Variants in AHNAK observed in about 807,000 individuals in gnomAD.
AHNAK encodes the protein neuroblast differentiation-associated protein AHNAK.
Under a neutral mutation model 37.8 loss-of-function variants are expected in AHNAK, and 23 were observed. That is an observed-to-expected ratio of 0.61 (90% confidence interval 0.44 to 0.86). The LOEUF (loss-of-function observed/expected upper bound fraction) is 0.86. Among genes scored for constraint, AHNAK ranks in the 40% least tolerant of loss-of-function variants. AHNAK has a pLI of 0.00. For missense variants in AHNAK, 7,411 were observed against 7,319.4 expected, an observed-to-expected ratio of 1.01 and a Z score of -0.46; for synonymous variants, 2,481 against 2,636.3, an observed-to-expected ratio of 0.94 and a Z score of 1.80.
At position 62,533,944 on chromosome 11, in the gene AHNAK, G is replaced by C; in HGVS notation, c.473C>G (p.Thr158Arg). Residue 158 changes from threonine (T) to arginine (R), a missense_variant, in exon 5 of 5, where the codon ACG (threonine) becomes AGG (arginine). By Grantham distance (71) the Thr-to-Arg change is moderately conservative. Transcript: ENST00000378024. Reference sequence around the variant, plus strand: ...GCCAGTCACATCCACAGTGTAGGCCGTGACCCTTCTGGTCACTGTGATGGT... The same window carrying C: ...GCCAGTCACATCCACAGTGTAGGCCCTGACCCTTCTGGTCACTGTGATGGT... ...SRTITVTRRV[T>R]AYTVDVTGRE... 1 of 1,614,110 alleles carries C rather than the reference G, an allele frequency of 6.2e-7. No individual in the cohort carries two copies. Among genetic ancestry groups the C allele is most frequent in the Non-Finnish European group, 8.5e-7 (1 of 1,179,994 alleles).
chr11:62,441,202 A>C (rs1034653584), intron 5 of AHNAK, among the ~76,000 whole-genome samples: 1 of 150,802 alleles, frequency 6.6e-6, no homozygotes, highest in Non-Finnish European at 1.5e-5. Flanking sequence ...AGGGTTCATC[A>C]TGTTGGCCAG....
chr11:62,479,725 C>T (rs1456764837), intron 5 of AHNAK, among the ~76,000 whole-genome samples: 3 of 152,044 alleles, frequency 2.0e-5, no homozygotes, highest in Non-Finnish European at 4.4e-5. Flanking sequence ...TTCCCTTCTT[C>T]CACGACGCAC....
chr11:62,515,678 G>A (rs978079847), downstream of AHNAK, among the ~76,000 whole-genome samples: 11 of 152,198 alleles, frequency 7.2e-5, no homozygotes, highest in East Asian at 7.7e-4. Flanking sequence ...AGTGGGTCCC[G>A]AGGCCAAGCC....
chr11:62,465,033 T>A (rs1938876731), intron 5 of AHNAK, among the ~76,000 whole-genome samples: 2 of 152,164 alleles, frequency 1.3e-5, no homozygotes, highest in Admixed American at 1.3e-4. Flanking sequence ...CCTCTCACAC[T>A]TGCTGTTCCT....
rs1430960715 is a variant in AHNAK, at chr11:62,528,096, C to T, written c.6321G>A (p.Met2107Ile). Residue 2107 changes from methionine (M) to isoleucine (I), a missense_variant, in exon 5 of 5, where the codon ATG (methionine) becomes ATA (isoleucine). Met to Ile is a conservative substitution (Grantham distance 10, BLOSUM62 1). Transcript: ENST00000378024. ...EGKLKGPKLKMPEMHFKAPKI... is the reference protein window; with the variant it reads ...EGKLKGPKLKIPEMHFKAPKI... The stretch of plus-strand genomic sequence containing the variant: ...TGGGGGCCTTGAAGTGCATCTCAGG[C>T]ATCTTAAGCTTGGGGCCCTTCAGCT... 1.2e-6 allele frequency: 2 copies of T among 1,612,448 alleles called. No individual in the cohort carries two copies. Among genetic ancestry groups the T allele is most frequent in the South Asian group, 1.1e-5 (1 of 90,964 alleles).
intron 5 of AHNAK, among the ~76,000 whole-genome samples, chr11:62,456,378 C>T (rs1288718315): frequency 6.6e-6 from 1 of 152,198 alleles, no homozygotes; most frequent in Non-Finnish European, 1.5e-5. Context: ...GCTAGGCGGT[C>T]TTTATGCTTT....
At chr11:62,509,648 G>A (rs920175925) in intron 4 of AHNAK, among the ~76,000 whole-genome samples, 7 of 152,242 alleles carry the variant, frequency 4.6e-5, no homozygotes, top group South Asian at 2.1e-4. Flanking sequence ...CATTGTCGCC[G>A]GGCATGGTCG....
chr11:62,450,130 TTTTATTTTA>T (rs144282111), intron 5 of AHNAK, among the ~76,000 whole-genome samples: 47,824 of 149,380 alleles, frequency 0.32, 9,500 homozygotes, highest in East Asian at 0.65. Flanking sequence ...TATTATTTTA[TTTTATTTTA>T]TTTATTTTAT....
chr11:62,486,326 T>G (rs1394221747), intron 5 of AHNAK, among the ~76,000 whole-genome samples: 2 of 151,066 alleles, frequency 1.3e-5, no homozygotes, highest in East Asian at 3.9e-4. Context: ...AATACAAAAT[T>G]AGCAGGCGGG....
intron 4 of AHNAK, among the ~76,000 whole-genome samples, chr11:62,493,332 CTT>C (rs538984724): frequency 0.12 from 14,626 of 122,840 alleles, 1,606 homozygotes; most frequent in African/African-American, 0.3. Context: ...TTCTTTCTTT[CTT>C]TTTTTTTTTT....
intron 5 of AHNAK, among the ~76,000 whole-genome samples, chr11:62,460,062 G>A (rs1324001435): frequency 6.6e-6 from 1 of 151,606 alleles, no homozygotes; most frequent in Non-Finnish European, 1.5e-5. Flanking sequence ...AGGTAGTGGT[G>A]AGCTGAGATC....
Position 62,521,017 on chromosome 11 carries a change from T to A in AHNAK, c.13400A>T (p.His4467Leu). 6.2e-7 allele frequency: 1 copy of A among 1,614,132 alleles called. No homozygotes were observed. Residue 4467 changes from histidine to leucine, a missense_variant, in exon 5 of 5, where the codon CAC becomes CTC. Coordinates refer to ENST00000378024, the MANE Select transcript of AHNAK (RefSeq NM_001620.3). ...ACCCTTCACCTTGGGACCTTTCAGG[T>A]GCAAATCAAAGTCAGGCATAGAGAT... ...PKISMPDFDL[H>L]LKGPKVKGDV...
At chr11:62,485,701 CAA>C (rs1286819688) in intron 5 of AHNAK, among the ~76,000 whole-genome samples, 6,763 of 51,764 alleles carry the variant, frequency 0.13, 598 homozygotes, top group African/African-American at 0.33. Flanking sequence ...GACTCCATCT[CAA>C]AAAAAAAAAA....
chr11:62,529,623 A>G lies in AHNAK; in HGVS notation c.4794T>C (p.Asp1598=), dbSNP rs1940647809. 1 of 1,614,212 alleles carries G rather than the reference A, an allele frequency of 6.2e-7. No individual in the cohort carries two copies. Among genetic ancestry groups the G allele is most frequent in the Non-Finnish European group, 8.5e-7 (1 of 1,180,042 alleles). The stretch of plus-strand genomic sequence containing the variant: ...CTCCTTCCACTTTGGGAAGGGAAAC[A>G]TCTACATCAGTTTTCAGTTTAGGGG... ...LKAPKLKTDV[D]VSLPKVEGDL... Residue 1598 remains aspartate (D), a synonymous_variant, in exon 5 of 5, where the codon GAT becomes GAC. Transcript: ENST00000378024.
At chr11:62,508,207 G>A (rs2134179758) in intron 4 of AHNAK, among the ~76,000 whole-genome samples, 1 of 152,166 alleles carries the variant, frequency 6.6e-6, no homozygotes, top group African/African-American at 2.4e-5. Context: ...AATTCCCCCA[G>A]AAAAGAAATT....
Position 62,523,847 on chromosome 11 carries a change from C to T in AHNAK, c.10570G>A (p.Gly3524Arg), listed in dbSNP as rs753843243. The change falls in exon 5 of 5, where the codon GGA becomes AGA. Residue 3524 changes from glycine to arginine, a missense_variant. Physicochemically the swap from Gly to Arg is moderately radical, Grantham distance 125 (BLOSUM62 -2). Transcript: ENST00000378024. ...TTGAATTTGGGACCTTTCAAGCCTC[C>T]CTCCGGACCTTCCACATTGAGATCT... is the stretch of plus-strand genomic sequence containing the variant. ...GPDLNVEGPE[G>R]GLKGPKFKMP... 4 of 1,614,114 alleles carry T rather than the reference C, an allele frequency of 2.5e-6. No individual in the cohort carries two copies. The highest frequency in any genetic ancestry group is 2.7e-5 in the African/African-American group (2 of 75,000).
chr11:62,528,612 T>G lies in AHNAK; in HGVS notation c.5805A>C (p.Lys1935Asn), dbSNP rs530899651. The G allele has an allele frequency of 4.8e-5, 77 of 1,610,348 alleles. No homozygotes were observed. The East Asian group carries it at 1.3e-3, about 28-fold the overall frequency. The part of the protein sequence containing the change: ...PDVDLHLKGP[K>N]VKGDVDVSVP... ...CCGACACATCCACATCCCCTTTGAC[T>G]TTGGGGCCTTTCAAGTGTAAGTCCA... Residue 1935 changes from lysine (K) to asparagine (N), a missense_variant, in exon 5 of 5, where the codon AAA (lysine) becomes AAC (asparagine). Lys to Asn is a moderately conservative substitution (Grantham distance 94). Transcript: ENST00000378024.
rs1216616919 is a variant in AHNAK at position 62,517,084 on chromosome 11, T to G, written c.17333A>C (p.His5778Pro). ...TTCATCACTGAATGAATTTGAGCGGTGCCGTGGCTTCTTACTTTTAAATAA... is the reference window on the plus strand; with the variant it reads ...TTCATCACTGAATGAATTTGAGCGGGGCCGTGGCTTCTTACTTTTAAATAA... ...FSLFKSKKPR[H>P]RSNSFSDERE... is the part of the protein sequence containing the mutation. Residue 5778 changes from histidine (H) to proline (P), a missense_variant, in exon 5 of 5, where the codon CAC becomes CCC. Coordinates refer to ENST00000378024, the MANE Select transcript of AHNAK (RefSeq NM_001620.3). The G allele has an allele frequency of 6.2e-6, 10 of 1,613,954 alleles. No homozygotes were observed. Among genetic ancestry groups the G allele is most frequent in the Non-Finnish European group, 7.6e-6 (9 of 1,180,026 alleles).
At chr11:62,448,370 T>C (rs573617174) in intron 5 of AHNAK, among the ~76,000 whole-genome samples, 13 of 152,272 alleles carry the variant, frequency 8.5e-5, no homozygotes, top group African/African-American at 2.6e-4. Context: ...TCATGGACCA[T>C]GCGGACTCAC....
Sources: allele counts gnomAD v4.1 joint callset (sites outside exome capture counted in the v4.1 genomes callset), GRCh38; gene constraint gnomAD v4.1.1; transcripts MANE v1.5; gene names NCBI Gene and HGNC (gene_info 2026-07-23, HGNC 2026-07-21).